CLVS1: variants seen among roughly 807,000 people sequenced by gnomAD.
CLVS1 encodes the protein clavesin 1.
A neutral mutation model predicts 33.1 loss-of-function variants in CLVS1; 10 were observed. The ratio of observed to expected loss-of-function variants is 0.30; its 90% CI spans 0.19 to 0.51. CLVS1 has a LOEUF of 0.51. Ranked by LOEUF, CLVS1 falls within the 20% of genes least tolerant of loss-of-function variation. The pLI is 0.97. For synonymous variants in CLVS1, 163 were observed against 166.1 expected (o/e 0.98, Z 0.14); for missense variants, 343 against 433.4 (o/e 0.79, Z 1.85).
At chr8:61,143,533 C>T (rs1806351408) in intron 2 of CLVS1, among the ~76,000 whole-genome samples, 1 of 152,028 alleles carries the variant, frequency 6.6e-6, no homozygotes, top group South Asian at 2.1e-4. Context: ...CACCTATTCC[C>T]ACCCCCTTAT....
At chr8:61,245,349 A>ATT (rs376342998) in intron 2 of CLVS1, among the ~76,000 whole-genome samples, 2,894 of 149,200 alleles carry the variant, frequency 0.019, 101 homozygotes, top group African/African-American at 0.068. Context: ...TGCCTGGGTA[A>ATT]TTTTTTTTTT....
chr8:61,346,231 A>G (rs532489243), intron 2 of CLVS1, among the ~76,000 whole-genome samples: 14 of 152,306 alleles, frequency 9.2e-5, no homozygotes, highest in Admixed American at 9.1e-4. Context: ...CGATTACATC[A>G]GAATTTCAGG....
chr8:61,458,249 A>C, intron 4 of CLVS1, 58 bp from the exon 5 acceptor site: 1 of 1,267,726 alleles, frequency 7.9e-7, no homozygotes, highest in Non-Finnish European at 1.1e-6. Flanking sequence ...ATTAGATGAA[A>C]TCTTTGGTCG....
In CLVS1 at chr8:61,156,146, G is replaced by A. The variant is rs1806642731; in HGVS notation, c.-152+24286G>A. Among the ~76,000 whole-genome samples the A allele has an allele frequency of 2.7e-5, 4 of 148,956 alleles. No homozygotes were observed. The Admixed American group carries it at 2.7e-4, about 10-fold the overall frequency. On this transcript the variant is annotated intron_variant, in intron 2 of 2. Transcript: ENST00000522621. ...GGAGGATCGCTTGAACCCGGAAGGT[G>A]GAGGTTGCAGTAATTCAAAATGGCG...
At chr8:61,061,596 T>A (rs1157150235) in intron 1 of CLVS1, among the ~76,000 whole-genome samples, 1 of 151,964 alleles carries the variant, frequency 6.6e-6, no homozygotes, top group Admixed American at 6.6e-5. Context: ...ACCACAGGCA[T>A]CCCCAAAGGA....
intron 2 of CLVS1, among the ~76,000 whole-genome samples, chr8:61,282,598 G>A (rs1365111549): frequency 6.6e-6 from 1 of 152,152 alleles, no homozygotes; most frequent in South Asian, 2.1e-4. Context: ...AGTTTTCCTG[G>A]AAAAATGGGA....
intron 3 of CLVS1, among the ~76,000 whole-genome samples, chr8:61,394,656 C>T (rs551247721): frequency 3.9e-5 from 6 of 152,128 alleles, no homozygotes; most frequent in Non-Finnish European, 8.8e-5. Context: ...ATGCAGCCAG[C>T]GAGGTCAGTT....
intron 5 of CLVS1, among the ~76,000 whole-genome samples, chr8:61,497,442 TGG>T (rs59855401): frequency 7.8e-6 from 1 of 127,538 alleles, no homozygotes; most frequent in Admixed American, 8.0e-5. Flanking sequence ...AGGTTTTTAT[TGG>T]GGGGGGGGTG....
intron 2 of CLVS1, among the ~76,000 whole-genome samples, chr8:61,312,961 A>G (rs910584971): frequency 6.6e-6 from 1 of 152,222 alleles, no homozygotes; most frequent in Non-Finnish European, 1.5e-5. Context: ...ATTTTGGCAC[A>G]TAAAACCTTA....
chr8:61,364,775 G>A (rs574492605), intron 2 of CLVS1, among the ~76,000 whole-genome samples: 30 of 152,324 alleles, frequency 2.0e-4, no homozygotes, highest in African/African-American at 6.5e-4. Flanking sequence ...TGTTATCCTT[G>A]TAGAATGTAT....
intron 3 of CLVS1, among the ~76,000 whole-genome samples, chr8:61,452,261 T>G (rs1484725079): frequency 1.3e-5 from 2 of 152,262 alleles, no homozygotes; most frequent in Non-Finnish European, 2.9e-5. Flanking sequence ...TTTGCAACTT[T>G]GCCTACTGTC....
At chr8:61,376,810 A>C in intron 3 of CLVS1, 31 bp downstream of exon 3, 1 of 1,545,800 alleles carries the variant, frequency 6.5e-7, no homozygotes, top group Non-Finnish European at 8.8e-7. Flanking sequence ...ATACAAGACC[A>C]TGTGTGGCAA....
chr8:61,310,416 A>C (rs910083849), intron 2 of CLVS1, among the ~76,000 whole-genome samples: 5 of 152,200 alleles, frequency 3.3e-5, no homozygotes, highest in Admixed American at 3.3e-4. Context: ...GCAAGATCTC[A>C]GACCTAATTT....
At chr8:61,379,055 A>G (rs1052092480) in intron 3 of CLVS1, among the ~76,000 whole-genome samples, 5 of 152,170 alleles carry the variant, frequency 3.3e-5, no homozygotes, top group Admixed American at 6.5e-5. Context: ...GCCAGCATCA[A>G]TGAGAGAAAA....
chr8:61,452,010 C>T (rs1816982427), intron 3 of CLVS1, among the ~76,000 whole-genome samples: 5 of 152,196 alleles, frequency 3.3e-5, no homozygotes. Flanking sequence ...ACACAGGGTT[C>T]ACATGTGTTT....
At chr8:61,271,206 T>C (rs1419224710) in intron 2 of CLVS1, among the ~76,000 whole-genome samples, 2 of 149,474 alleles carry the variant, frequency 1.3e-5, no homozygotes, top group Non-Finnish European at 3.0e-5. Context: ...GAGATTCTGG[T>C]ATGTTGTGTC....
At chr8:61,113,599 C>G (rs780673753) in intron 1 of CLVS1, among the ~76,000 whole-genome samples, 6 of 152,148 alleles carry the variant, frequency 3.9e-5, no homozygotes, top group Non-Finnish European at 7.4e-5. Flanking sequence ...AGGCAAAAGA[C>G]TGAAAAACAA....
At chr8:61,033,047 A>AGGAAGG in the CLVS1 span, among the ~76,000 whole-genome samples, 108 of 77,932 alleles carry the variant, frequency 1.4e-3, 2 homozygotes, top group Middle Eastern at 6.3e-3. Flanking sequence ...GAAAGAAAGA[A>AGGAAGG]AAAGAAAGAA....
chr8:61,358,644 A>C (rs767863345), intron 2 of CLVS1, among the ~76,000 whole-genome samples: 15 of 152,234 alleles, frequency 9.9e-5, no homozygotes, highest in Admixed American at 6.5e-5. Context: ...CTTTGGGAAC[A>C]GAGGATTGAG....
Sources: allele counts gnomAD v4.1 joint callset (sites outside exome capture counted in the v4.1 genomes callset), GRCh38; gene constraint gnomAD v4.1.1; transcripts MANE v1.5; gene names NCBI Gene and HGNC (gene_info 2026-07-23, HGNC 2026-07-21).